Variants in ARHGAP26 observed in about 807,000 individuals in gnomAD.
ARHGAP26 encodes the protein Rho GTPase activating protein 26.
Under a neutral mutation model 104.8 loss-of-function variants are expected in ARHGAP26, and 38 were observed. That is an observed-to-expected ratio of 0.36 (90% CI 0.28 to 0.48). The LOEUF is 0.48. ARHGAP26 is among the 20% of genes least tolerant of loss of function. The pLI, the probability that ARHGAP26 is intolerant of heterozygous loss-of-function variation, is 0.99. For synonymous variants in ARHGAP26, 341 were observed against 340.0 expected, an observed-to-expected ratio of 1.00 and a Z score of -0.03; for missense variants, 704 against 947.9, an observed-to-expected ratio of 0.74 and a Z score of 3.38.
chr5:142,906,206 A>G (rs1174828821), intron 8 of ARHGAP26, among the ~76,000 whole-genome samples: 1 of 152,154 alleles, frequency 6.6e-6, no homozygotes, highest in African/African-American at 2.4e-5. Context: ...GGTGATGTAA[A>G]TTTTGATCAC....
At chr5:142,854,722 C>A (rs1006983881) in intron 1 of ARHGAP26, among the ~76,000 whole-genome samples, 2 of 152,164 alleles carry the variant, frequency 1.3e-5, no homozygotes, top group Admixed American at 6.5e-5. Context: ...ACCGAGTAGA[C>A]CCTGGAAATG....
At chr5:143,180,336 G>T (rs999828883) in intron 20 of ARHGAP26, among the ~76,000 whole-genome samples, 1 of 152,124 alleles carries the variant, frequency 6.6e-6, no homozygotes, top group South Asian at 2.1e-4. Flanking sequence ...ATGTTGGCCA[G>T]GATGGTCTCG....
chr5:143,206,672 A>G (rs571953595), intron 20 of ARHGAP26, among the ~76,000 whole-genome samples: 23 of 152,370 alleles, frequency 1.5e-4, no homozygotes, highest in Admixed American at 2.6e-4. Context: ...TTCTTCATGC[A>G]GTACTTCAGA....
At chr5:143,008,834 T>C (rs2152805165) in intron 11 of ARHGAP26, among the ~76,000 whole-genome samples, 1 of 152,330 alleles carries the variant, frequency 6.6e-6, no homozygotes, top group Admixed American at 6.5e-5. Flanking sequence ...AAGGTACTCA[T>C]AGAAAAATTC....
chr5:143,115,925 A>G (rs567739510), intron 17 of ARHGAP26, among the ~76,000 whole-genome samples: 1 of 152,188 alleles, frequency 6.6e-6, no homozygotes, highest in Non-Finnish European at 1.5e-5. Flanking sequence ...TTATACCTCT[A>G]TAGCAGTATT....
chr5:143,138,684 A>G (rs1186489916), intron 19 of ARHGAP26, among the ~76,000 whole-genome samples: 3 of 152,150 alleles, frequency 2.0e-5, no homozygotes, highest in Non-Finnish European at 4.4e-5. Flanking sequence ...AACCTGGAAG[A>G]CGTTTTCCCT....
intron 17 of ARHGAP26, among the ~76,000 whole-genome samples, chr5:143,072,815 A>C (rs1188039394): frequency 6.6e-6 from 1 of 152,192 alleles, no homozygotes; most frequent in Non-Finnish European, 1.5e-5. Flanking sequence ...AAAGATACAA[A>C]ATTACAGCTA....
intron 14 of ARHGAP26, among the ~76,000 whole-genome samples, chr5:143,052,560 C>A (rs1012888448): frequency 3.9e-5 from 6 of 152,176 alleles, no homozygotes; most frequent in Non-Finnish European, 8.8e-5. Context: ...CTCAGTGTCA[C>A]CTGCAAACAT....
At chr5:142,881,198 T>C (rs1304467104) in intron 4 of ARHGAP26, among the ~76,000 whole-genome samples, 1 of 152,228 alleles carries the variant, frequency 6.6e-6, no homozygotes, top group East Asian at 1.9e-4. Flanking sequence ...TTCCGGGGGT[T>C]ATGCAGAGCT....
chr5:142,794,972 T>C (rs1466970507), intron 1 of ARHGAP26, among the ~76,000 whole-genome samples: 1 of 152,216 alleles, frequency 6.6e-6, no homozygotes, highest in Non-Finnish European at 1.5e-5. Context: ...GTGGGCAAGC[T>C]TTTTCTGTAA....
chr5:142,999,599 T>G (rs1776909296), intron 11 of ARHGAP26, among the ~76,000 whole-genome samples: 1 of 152,178 alleles, frequency 6.6e-6, no homozygotes, highest in Non-Finnish European at 1.5e-5. Flanking sequence ...AGGTGAATTT[T>G]TCTTTCTGGC....
intron 20 of ARHGAP26, chr5:143,193,776 T>C (rs1336580373): frequency 2.6e-5 from 4 of 152,216 alleles, no homozygotes; most frequent in Admixed American, 6.5e-5. Context: ...TAATTTTCAT[T>C]ATATTGTTAT....
At chr5:142,792,503 G>A (rs189952424) in intron 1 of ARHGAP26, among the ~76,000 whole-genome samples, 118 of 152,286 alleles carry the variant, frequency 7.7e-4, no homozygotes, top group Non-Finnish European at 7.2e-4. Context: ...GCCCTGTTTG[G>A]CGACATCTAA....
At chr5:142,836,324 G>A (rs1769555880) in intron 1 of ARHGAP26, among the ~76,000 whole-genome samples, 2 of 152,096 alleles carry the variant, frequency 1.3e-5, no homozygotes, top group African/African-American at 4.8e-5. Flanking sequence ...TTTTTTCCCC[G>A]GTGATGAACC....
chr5:143,068,939 T>C (rs1787885008), intron 17 of ARHGAP26, among the ~76,000 whole-genome samples: 1 of 152,174 alleles, frequency 6.6e-6, no homozygotes, highest in African/African-American at 2.4e-5. Flanking sequence ...TAACACAGAT[T>C]CCCACTCTCT....
intron 21 of ARHGAP26, among the ~76,000 whole-genome samples, chr5:143,210,144 C>G (rs1334185989): frequency 6.6e-6 from 1 of 152,128 alleles, no homozygotes; most frequent in Non-Finnish European, 1.5e-5. Context: ...ATACCCGAGA[C>G]TGGGAAGAAA....
intron 19 of ARHGAP26, among the ~76,000 whole-genome samples, chr5:143,134,847 A>G (rs1332640441): frequency 1.3e-5 from 2 of 152,268 alleles, no homozygotes; most frequent in Non-Finnish European, 2.9e-5. Context: ...TGCGAATTAA[A>G]TGAAATTATG....
chr5:143,189,744 A>G (rs904600151), intron 20 of ARHGAP26, among the ~76,000 whole-genome samples: 36 of 152,280 alleles, frequency 2.4e-4, no homozygotes, highest in East Asian at 1.3e-3. Context: ...TAAAATGCCA[A>G]TAGGAGCTTT....
chr5:142,924,682 T>G (rs1279615269), intron 10 of ARHGAP26, among the ~76,000 whole-genome samples: 1 of 152,204 alleles, frequency 6.6e-6, no homozygotes, highest in African/African-American at 2.4e-5. Context: ...ATTCTTTCCA[T>G]GCACAAAGGT....
Sources: allele counts gnomAD v4.1 joint callset (sites outside exome capture counted in the v4.1 genomes callset), GRCh38; gene constraint gnomAD v4.1.1; transcripts MANE v1.5; gene names NCBI Gene and HGNC (gene_info 2026-07-23, HGNC 2026-07-21).